NFATC2: variants seen among roughly 807,000 people sequenced by gnomAD.
NFATC2 encodes nuclear factor of activated T cells 2.
A neutral mutation model predicts 87.3 loss-of-function variants in NFATC2; 22 were observed. That is an observed-to-expected ratio of 0.25 (90% CI 0.18 to 0.36). The LOEUF (loss-of-function observed/expected upper bound fraction) is 0.36, where lower values mean the gene tolerates loss of function less well. Ranked by LOEUF, NFATC2 falls within the 10% of genes least tolerant of loss-of-function variation. NFATC2 has a pLI of 1.00. For synonymous variants in NFATC2, 565 were observed against 542.2 expected (o/e 1.04, Z -0.58); for missense variants, 1,149 against 1,259.1 (o/e 0.91, Z 1.32).
At chr20:51,391,690 AT>A (rs1161109863) in intron 10 of NFATC2, among the ~76,000 whole-genome samples, 1 of 151,842 alleles carries the variant, frequency 6.6e-6, no homozygotes, top group Non-Finnish European at 1.5e-5. Flanking sequence ...ACATTTTTAA[AT>A]TTTTAGTAGG....
intron 9 of NFATC2, among the ~76,000 whole-genome samples, chr20:51,427,621 C>T (rs893516466): frequency 5.3e-5 from 8 of 152,176 alleles, no homozygotes; most frequent in African/African-American, 1.7e-4. Flanking sequence ...AATCAAACCA[C>T]GCTGCACTGC....
chr20:51,491,204 C>A (rs2075877020), intron 3 of NFATC2, among the ~76,000 whole-genome samples: 1 of 151,522 alleles, frequency 6.6e-6, no homozygotes, highest in Admixed American at 6.6e-5. Flanking sequence ...TTTTTTTGCA[C>A]CAATGACCCC....
intron 9 of NFATC2, among the ~76,000 whole-genome samples, chr20:51,427,754 G>A (rs1053825931): frequency 6.6e-6 from 1 of 152,086 alleles, no homozygotes; most frequent in South Asian, 2.1e-4. Context: ...CCCAAAGGCC[G>A]CCTCTTCAGA....
intron 3 of NFATC2, among the ~76,000 whole-genome samples, chr20:51,492,418 C>T (rs1279180671): frequency 1.3e-5 from 2 of 152,218 alleles, no homozygotes; most frequent in Admixed American, 1.3e-4. Context: ...GAGAAGTGGG[C>T]GCCTGCTGCG....
chr20:51,530,013 C>A (rs1025235398), intron 1 of NFATC2, among the ~76,000 whole-genome samples: 1 of 152,074 alleles, frequency 6.6e-6, no homozygotes, highest in African/African-American at 2.4e-5. Flanking sequence ...AAATGTCATA[C>A]ATTCTTGCTA....
intron 10 of NFATC2, among the ~76,000 whole-genome samples, chr20:51,398,254 C>T (rs962112288): frequency 1.3e-5 from 2 of 152,174 alleles, no homozygotes; most frequent in Non-Finnish European, 2.9e-5. Flanking sequence ...ACCTCCCTGC[C>T]CACTCTGCTG....
intron 9 of NFATC2, among the ~76,000 whole-genome samples, chr20:51,422,223 C>T (rs1258710538): frequency 6.6e-6 from 1 of 152,192 alleles, no homozygotes; most frequent in African/African-American, 2.4e-5. Context: ...GCTCAAGGCT[C>T]ATCATAAAAT....
At chr20:51,487,493 A>G (rs999458408) in intron 3 of NFATC2, among the ~76,000 whole-genome samples, 1 of 152,222 alleles carries the variant, frequency 6.6e-6, no homozygotes, top group African/African-American at 2.4e-5. Flanking sequence ...AACTTAAAAT[A>G]AAATTAAATT....
intron 10 of NFATC2, among the ~76,000 whole-genome samples, chr20:51,397,176 A>G (rs1449041360): frequency 6.6e-6 from 1 of 152,092 alleles, no homozygotes; most frequent in Non-Finnish European, 1.5e-5. Context: ...CACCATGCCC[A>G]GCCCTTCCCC....
chr20:51,517,579 T>G (rs1464280904), intron 2 of NFATC2, among the ~76,000 whole-genome samples: 1 of 148,884 alleles, frequency 6.7e-6, no homozygotes, highest in Non-Finnish European at 1.5e-5. Flanking sequence ...GGGACCAGAG[T>G]GAGACCCTGT....
At chr20:51,463,062 T>C (rs565056881) in intron 5 of NFATC2, among the ~76,000 whole-genome samples, 7 of 152,384 alleles carry the variant, frequency 4.6e-5, no homozygotes, top group African/African-American at 1.7e-4. Flanking sequence ...TTCTTGTCTC[T>C]GTATCAGGCC....
chr20:51,391,466 A>C lies in NFATC2; in HGVS notation c.*45-15T>G. On this transcript the variant is annotated splice_polypyrimidine_tract_variant and intron_variant, in intron 10 of 10. Coordinates refer to ENST00000371564, the MANE Select transcript of NFATC2 (RefSeq NM_012340.5). ...AATTTCATTAACTACAAAAGAAAAG[A>C]GGAGGGGGGGGGAGAGAGAATGGGG... 3.6e-6 allele frequency: 3 copies of C among 842,008 alleles called. No individual in the cohort carries two copies. The highest frequency in any genetic ancestry group is 5.3e-6 in the Non-Finnish European group (3 of 568,488). 52.2% of individuals were successfully genotyped at this position (842,008 alleles called of 1,614,324 possible). A position where few individuals can be genotyped will look rare whatever the true frequency, so the allele number is the denominator to read the frequency against.
intron 6 of NFATC2, among the ~76,000 whole-genome samples, chr20:51,448,837 A>G (rs1347408203): frequency 6.6e-6 from 1 of 152,214 alleles, no homozygotes; most frequent in Non-Finnish European, 1.5e-5. Flanking sequence ...CAGGCTCTTG[A>G]AAGTCACAAA....
intron 3 of NFATC2, among the ~76,000 whole-genome samples, chr20:51,514,415 G>C (rs1277598712): frequency 2.6e-5 from 4 of 152,224 alleles, no homozygotes; most frequent in African/African-American, 9.7e-5. Flanking sequence ...AACTGTGCTT[G>C]ATGGTGATAT....
At chr20:51,442,589 G>C (rs1034192632) in intron 6 of NFATC2, among the ~76,000 whole-genome samples, 2 of 152,168 alleles carry the variant, frequency 1.3e-5, no homozygotes, top group African/African-American at 4.8e-5. Flanking sequence ...TGTACCTCCA[G>C]GGCTGGGCCT....
At chr20:51,408,854 T>C (rs1411899819) in intron 9 of NFATC2, among the ~76,000 whole-genome samples, 1 of 152,154 alleles carries the variant, frequency 6.6e-6, no homozygotes, top group Non-Finnish European at 1.5e-5. Context: ...AAGCACAGAC[T>C]GTGGGTCTCG....
intron 3 of NFATC2, among the ~76,000 whole-genome samples, chr20:51,478,499 C>G (rs934900589): frequency 1.3e-5 from 2 of 152,104 alleles, no homozygotes; most frequent in African/African-American, 4.8e-5. Flanking sequence ...AAAAATCTAT[C>G]GTGTCCCTAC....
chr20:51,479,014 G>A (rs896268559), intron 3 of NFATC2, among the ~76,000 whole-genome samples: 4 of 152,172 alleles, frequency 2.6e-5, no homozygotes, highest in Non-Finnish European at 4.4e-5. Flanking sequence ...TAAACCTATA[G>A]GAATTTTAAG....
intron 9 of NFATC2, among the ~76,000 whole-genome samples, chr20:51,399,383 T>C (rs984875294): frequency 1.3e-5 from 2 of 152,232 alleles, no homozygotes; most frequent in Admixed American, 6.5e-5. Context: ...CAATCCCCTT[T>C]GGCCGAATTG....
Sources: allele counts gnomAD v4.1 joint callset (sites outside exome capture counted in the v4.1 genomes callset), GRCh38; gene constraint gnomAD v4.1.1; transcripts MANE v1.5; gene names NCBI Gene and HGNC (gene_info 2026-07-23, HGNC 2026-07-21).